The following MYOF variants were observed in gnomAD, a reference collection of about 807,000 sequenced individuals.
MYOF encodes the protein fer-1-like 3, myoferlin.
Under a neutral mutation model 284.2 loss-of-function variants are expected in MYOF, and 244 were observed. The observed-to-expected ratio is 0.86, with a 90% CI of 0.77 to 0.95. The LOEUF (loss-of-function observed/expected upper bound fraction) is 0.95, where lower values mean the gene tolerates loss of function less well. Among genes scored for constraint, MYOF ranks in the 40% least tolerant of loss-of-function variants. The pLI is 0.00. For synonymous variants in MYOF, 904 were observed against 919.7 expected, an observed-to-expected ratio of 0.98 and a Z score of 0.31; for missense variants, 2,496 against 2,560.6, an observed-to-expected ratio of 0.97 and a Z score of 0.54.
intron 43 of MYOF, among the ~76,000 whole-genome samples, chr10:93,330,392 C>T (rs931304848): frequency 2.6e-5 from 4 of 152,130 alleles, no homozygotes; most frequent in Non-Finnish European, 5.9e-5. Flanking sequence ...TCCTAGGTTC[C>T]CTCCTCTGCC....
intron 38 of MYOF, among the ~76,000 whole-genome samples, chr10:93,341,003 G>A (rs1843879286): frequency 6.6e-6 from 1 of 152,150 alleles, no homozygotes; most frequent in African/African-American, 2.4e-5. Context: ...GCTTCCGTAG[G>A]TGCCCCTTGG....
intron 24 of MYOF, among the ~76,000 whole-genome samples, chr10:93,372,665 C>G (rs1403573285): frequency 6.6e-6 from 1 of 152,150 alleles, no homozygotes; most frequent in Non-Finnish European, 1.5e-5. Context: ...GTGAAATATT[C>G]ATGCCAGAAA....
At chr10:93,475,709 C>A (rs2057244739) in intron 1 of MYOF, among the ~76,000 whole-genome samples, 1 of 152,138 alleles carries the variant, frequency 6.6e-6, no homozygotes, top group African/African-American at 2.4e-5. Flanking sequence ...ACCTTCTTGG[C>A]AGGGCCAAAT....
intron 46 of MYOF, chr10:93,324,411 C>A (rs1842958260): frequency 6.6e-6 from 1 of 152,170 alleles, no homozygotes; most frequent in South Asian, 2.1e-4. Context: ...CAGGGCTCTA[C>A]AATTCATCAA....
At chr10:93,426,287 G>A in intron 4 of MYOF, 129 bp from the exon 5 acceptor site, 1 of 854,720 alleles carries the variant, frequency 1.2e-6, no homozygotes, top group South Asian at 1.8e-5. Flanking sequence ...GGTAAGCGAG[G>A]CTGGAAACGG....
intron 7 of MYOF, among the ~76,000 whole-genome samples, chr10:93,407,423 C>CAA (rs144461915): frequency 0.022 from 833 of 38,092 alleles, 24 homozygotes; most frequent in Non-Finnish European, 0.023. Context: ...GACTCTGTCT[C>CAA]AAAAAAAAAA....
At chr10:93,465,861 C>A (rs982748510) in intron 1 of MYOF, among the ~76,000 whole-genome samples, 4 of 152,210 alleles carry the variant, frequency 2.6e-5, no homozygotes, top group Admixed American at 1.3e-4. Context: ...TGCATCCCCC[C>A]AGGGAGTTCC....
intron 1 of MYOF, among the ~76,000 whole-genome samples, chr10:93,468,326 G>A (rs1007858020): frequency 2.0e-5 from 3 of 152,182 alleles, no homozygotes; most frequent in East Asian, 1.9e-4. Flanking sequence ...CTTAAGTCCC[G>A]AGTGTCCTCT....
At chr10:93,409,423 G>C in intron 6 of MYOF, 150 bp downstream of exon 6, 4 of 965,160 alleles carry the variant, frequency 4.1e-6, no homozygotes, top group Non-Finnish European at 6.1e-6. Flanking sequence ...AAGATGGAGA[G>C]CTTTTCTTAC....
intron 1 of MYOF, among the ~76,000 whole-genome samples, chr10:93,461,671 G>T (rs1388057156): frequency 6.6e-6 from 1 of 152,136 alleles, no homozygotes; most frequent in Non-Finnish European, 1.5e-5. Context: ...GGACACTCCA[G>T]GACCCAACCA....
At chr10:93,374,253 G>A (rs1206650430) in intron 23 of MYOF, among the ~76,000 whole-genome samples, 1 of 152,116 alleles carries the variant, frequency 6.6e-6, no homozygotes, top group Non-Finnish European at 1.5e-5. Flanking sequence ...TCTTAATCCA[G>A]TCTATCATTC....
In MYOF at chr10:93,373,796, G is replaced by C. The variant is rs150364590; in HGVS notation, c.2302-711C>G. Among the ~76,000 whole-genome samples, 705 of 152,284 alleles carry C rather than the reference G, an allele frequency of 4.6e-3. 5 individuals are homozygous for C. Among genetic ancestry groups the C allele is most frequent in the African/African-American group, 0.016 (671 of 41,544 alleles). On this transcript the variant is annotated intron_variant, in intron 23 of 53. Coordinates refer to ENST00000359263, the MANE Select transcript of MYOF (RefSeq NM_013451.4). Reference sequence around the variant, plus strand: ...TTCCTCATTCTTCTAGTCCACCGAAGTTAGTGGAGGCCAGCATTTATCCAG... The same window carrying C: ...TTCCTCATTCTTCTAGTCCACCGAACTTAGTGGAGGCCAGCATTTATCCAG...
intron 49 of MYOF, among the ~76,000 whole-genome samples, chr10:93,317,557 A>G (rs1334057457): frequency 6.6e-6 from 1 of 152,170 alleles, no homozygotes; most frequent in East Asian, 1.9e-4. Flanking sequence ...GAATCACTCA[A>G]ACCTGGGAGG....
Position 93,312,713 on chromosome 10 carries a change from C to G in MYOF, c.5889+307G>C, listed in dbSNP as rs184484769. Among the ~76,000 whole-genome samples the G allele has an allele frequency of 6.6e-5, 10 of 151,990 alleles. No homozygotes were observed. In the East Asian group the frequency reaches 1.7e-3, roughly 26 times the overall value. On this transcript the variant is annotated intron_variant, in intron 51 of 53. Coordinates refer to ENST00000359263, the MANE Select transcript of MYOF (RefSeq NM_013451.4). ...TTTCCATACGAAATTGTACTAGAAG[C>G]CTAGCATTAATTAACTTCCCTGATG... is the stretch of plus-strand genomic sequence containing the variant.
At chr10:93,433,590 A>C (rs1848969900) in intron 3 of MYOF, among the ~76,000 whole-genome samples, 1 of 152,260 alleles carries the variant, frequency 6.6e-6, no homozygotes, top group Admixed American at 6.5e-5. Flanking sequence ...AAAGTGATAG[A>C]AGAGATTCCT....
At chr10:93,386,055 G>A (rs1030532585) in intron 19 of MYOF, among the ~76,000 whole-genome samples, 1 of 152,150 alleles carries the variant, frequency 6.6e-6, no homozygotes, top group Non-Finnish European at 1.5e-5. Flanking sequence ...TTACATTCTG[G>A]TGATGGAACC....
intron 48 of MYOF, among the ~76,000 whole-genome samples, chr10:93,321,426 T>TC (rs1842836570): frequency 2.0e-5 from 3 of 151,064 alleles, no homozygotes; most frequent in South Asian, 2.1e-4. Context: ...TTTTTTTTTT[T>TC]TTTTTTTTTA....
chr10:93,415,388 G>A (rs888837362), intron 5 of MYOF, among the ~76,000 whole-genome samples: 4 of 152,114 alleles, frequency 2.6e-5, no homozygotes, highest in African/African-American at 9.7e-5. Flanking sequence ...GTCCTCACAG[G>A]GCTGCCTGGC....
At position 93,398,343 on chromosome 10, in the gene MYOF, C is replaced by T. The variant is rs79927529; in HGVS notation, c.1222-887G>A. On this transcript the variant is annotated intron_variant, in intron 13 of 53. Transcript: ENST00000359263. ...CTGATAACCTGGATAAACACTCCTC[C>T]CCTGCACCAATCACTTCTTGTCCCT... 1.9e-3 allele frequency among the ~76,000 whole-genome samples: 288 copies of T among 152,318 alleles called. 1 individual carries two copies. The highest frequency in any genetic ancestry group is 3.3e-3 in the Non-Finnish European group (226 of 68,040).
Sources: gnomAD v4.1 joint callset for allele counts (sites outside exome capture counted in the v4.1 genomes callset) on GRCh38, gnomAD v4.1.1 for gene constraint, MANE v1.5 for transcripts, NCBI Gene and HGNC (gene_info 2026-07-23, HGNC 2026-07-21) for gene names.